Variants in KCTD14 observed in about 807,000 individuals in gnomAD.
The protein encoded by KCTD14 is BTB/POZ domain-containing protein KCTD14.
Under a neutral mutation model 5.9 loss-of-function variants are expected in KCTD14, and 7 were observed. The observed-to-expected ratio is 1.19, with a 90% CI of 0.68 to 2.23. The LOEUF (loss-of-function observed/expected upper bound fraction) is 2.23, where lower values mean the gene tolerates loss of function less well. Ranked by LOEUF, KCTD14 falls within the 30% of genes most tolerant of loss-of-function variation. The pLI, the probability that KCTD14 is intolerant of heterozygous loss-of-function variation, is 0.00. For missense variants in KCTD14, 342 were observed against 332.2 expected (o/e 1.03, Z -0.23); for synonymous variants, 140 against 133.1 (o/e 1.05, Z -0.36).
At chr11:78,040,263 T>C (rs1857951697) in intron 1 of KCTD14, among the ~76,000 whole-genome samples, 1 of 152,220 alleles carries the variant, frequency 6.6e-6, no homozygotes, top group Non-Finnish European at 1.5e-5. Flanking sequence ...TGATTCAAAG[T>C]ACCCTCAGAA....
At chr11:78,039,534 GAA>G (rs1297128080) in intron 1 of KCTD14, among the ~76,000 whole-genome samples, 1 of 126,970 alleles carries the variant, frequency 7.9e-6, no homozygotes, top group East Asian at 2.2e-4. Flanking sequence ...GTCTCAAAAA[GAA>G]AAAAAAAAAG....
chr11:78,025,766 G>A (rs1479609597), upstream of KCTD14, among the ~76,000 whole-genome samples: 1 of 152,090 alleles, frequency 6.6e-6, no homozygotes, highest in African/African-American at 2.4e-5. Context: ...TGTTTTGTGG[G>A]GTTGTTTTCC....
chr11:78,045,867 C>A (rs1858121144), intron 1 of KCTD14, among the ~76,000 whole-genome samples: 1 of 152,148 alleles, frequency 6.6e-6, no homozygotes, highest in Non-Finnish European at 1.5e-5. Flanking sequence ...CTGCCCCTAC[C>A]GCTTCTCCCC....
At chr11:78,045,699 T>C (rs1452177054) in intron 1 of KCTD14, among the ~76,000 whole-genome samples, 3 of 152,174 alleles carry the variant, frequency 2.0e-5, no homozygotes, top group African/African-American at 4.8e-5. Context: ...CCTAATTTTC[T>C]CACTGTTATA....
At chr11:78,023,777 C>G (rs1857370090), upstream of KCTD14, 1 of 154,302 alleles carries the variant, frequency 6.5e-6, no homozygotes, top group Non-Finnish European at 1.4e-5. Flanking sequence ...CTCTGGGCCT[C>G]GGAGTTCCCA....
Position 78,020,828 on chromosome 11 carries a change from C to T in KCTD14, c.90+2332G>A, listed in dbSNP as rs183959246. 3.7e-3 allele frequency among the ~76,000 whole-genome samples: 564 copies of T among 152,304 alleles called. 3 individuals carry two copies. The highest frequency in any genetic ancestry group is 5.6e-3 in the Non-Finnish European group (382 of 68,020). On this transcript the variant is annotated intron_variant, in intron 1 of 1. Coordinates refer to ENST00000353172, the MANE Select transcript of KCTD14 (RefSeq NM_023930.4). ...GCCATCCTTCCCAACATCCTGCCCC[C>T]CTACTGCCAATACTTTGATATGTGC...
intron 2 of KCTD14, among the ~76,000 whole-genome samples, chr11:78,031,429 A>G (rs1379786773): frequency 6.6e-6 from 1 of 152,062 alleles, no homozygotes; most frequent in Non-Finnish European, 1.5e-5. Flanking sequence ...CCCAGGCTGC[A>G]GTGCAGTGGT....
rs1385306752 is a variant in KCTD14 at position 78,016,316 on chromosome 11, A to G, written c.*277T>C. 1 of 475,068 alleles carries G rather than the reference A, an allele frequency of 2.1e-6. No homozygotes were observed. The highest frequency in any genetic ancestry group is 1.9e-5 in the African/African-American group (1 of 51,572). 29.4% of individuals were successfully genotyped at this position (475,068 alleles called of 1,614,324 possible). ...TCTCTTGCCAACGCATTGTTGAAAC[A>G]TTCTTACTTGGTCTTGTTATTGGAC... On this transcript the variant is annotated 3_prime_UTR_variant, in exon 2 of 2. Coordinates refer to ENST00000353172, the MANE Select transcript of KCTD14 (RefSeq NM_023930.4).
chr11:78,036,028 G>A (rs1422366484), intron 2 of KCTD14, among the ~76,000 whole-genome samples: 5 of 151,820 alleles, frequency 3.3e-5, no homozygotes, highest in African/African-American at 1.2e-4. Flanking sequence ...GTGTGGTGAT[G>A]GGTGCCTGTA....
chr11:78,040,804 G>A (rs1857971032), intron 1 of KCTD14, among the ~76,000 whole-genome samples: 1 of 152,022 alleles, frequency 6.6e-6, no homozygotes, highest in Non-Finnish European at 1.5e-5. Flanking sequence ...CCAGTAGCTA[G>A]GACTACAGGT....
chr11:78,024,380 CAAAA>C (rs56296835), upstream of KCTD14, among the ~76,000 whole-genome samples: 32,758 of 122,894 alleles, frequency 0.27, 4,275 homozygotes, highest in South Asian at 0.36. Flanking sequence ...GATTCCCTCT[CAAAA>C]AAAAAAAAAA....
chr11:78,039,089 A>T (rs1212597262), intron 1 of KCTD14, among the ~76,000 whole-genome samples: 2 of 150,730 alleles, frequency 1.3e-5, no homozygotes, highest in Admixed American at 1.3e-4. Context: ...AAAAAAACAC[A>T]AAAAAACAGG....
intron 2 of KCTD14, among the ~76,000 whole-genome samples, chr11:78,028,416 A>G (rs1434269936): frequency 6.6e-6 from 1 of 152,140 alleles, no homozygotes; most frequent in Non-Finnish European, 1.5e-5. Flanking sequence ...CAGCCTGGCC[A>G]GCATAGTGAA....
At chr11:78,029,903 T>A (rs1857568048) in intron 2 of KCTD14, among the ~76,000 whole-genome samples, 1 of 151,824 alleles carries the variant, frequency 6.6e-6, no homozygotes, top group African/African-American at 2.4e-5. Flanking sequence ...TGCCTCAGCC[T>A]CCCAAGTAGC....
intron 1 of KCTD14, among the ~76,000 whole-genome samples, chr11:78,019,515 C>A (rs1272063377): frequency 6.6e-6 from 1 of 152,052 alleles, no homozygotes; most frequent in Non-Finnish European, 1.5e-5. Context: ...ACGGGTCTTA[C>A]TATGTTGCCC....
intron 2 of KCTD14, among the ~76,000 whole-genome samples, chr11:78,033,756 G>A (rs1156291602): frequency 4.6e-5 from 7 of 150,712 alleles, no homozygotes; most frequent in Admixed American, 2.7e-4. Context: ...GCTGAGGCAC[G>A]AGGATTGCTC....
intron 2 of KCTD14, among the ~76,000 whole-genome samples, chr11:78,028,905 G>T (rs1857542165): frequency 6.6e-6 from 1 of 152,028 alleles, no homozygotes; most frequent in African/African-American, 2.4e-5. Context: ...TAAATGACAT[G>T]CATAAAAATG....
chr11:78,044,415 G>A (rs963968675), intron 1 of KCTD14, among the ~76,000 whole-genome samples: 5 of 152,082 alleles, frequency 3.3e-5, no homozygotes, highest in African/African-American at 4.8e-5. Flanking sequence ...AGGGGACTCC[G>A]GCAGAATGAG....
chr11:78,025,116 G>GTGTGTA (rs1857425693), upstream of KCTD14, among the ~76,000 whole-genome samples: 1 of 68,558 alleles, frequency 1.5e-5, no homozygotes, highest in East Asian at 4.3e-4. Flanking sequence ...GTGTGTGTGT[G>GTGTGTA]TGTATATATA....
Sources: gnomAD v4.1 joint callset for allele counts (sites outside exome capture counted in the v4.1 genomes callset) on GRCh38, gnomAD v4.1.1 for gene constraint, MANE v1.5 for transcripts, NCBI Gene and HGNC (gene_info 2026-07-23, HGNC 2026-07-21) for gene names.